The following SMAD9 variants were observed in gnomAD, a reference collection of about 807,000 sequenced individuals.
SMAD9 encodes SMAD family member 9.
Under a neutral mutation model 46.1 loss-of-function variants are expected in SMAD9, and 36 were observed. The ratio of observed to expected loss-of-function variants is 0.78; its 90% confidence interval spans 0.60 to 1.03. The LOEUF is 1.03. SMAD9 is among the 50% of genes least tolerant of loss of function. The pLI, the probability that SMAD9 is intolerant of heterozygous loss-of-function variation, is 0.00. For synonymous variants in SMAD9, 245 were observed against 237.1 expected (o/e 1.03, Z -0.31); for missense variants, 572 against 599.8 (o/e 0.95, Z 0.48).
intron 5 of SMAD9, among the ~76,000 whole-genome samples, chr13:36,859,972 GAAAA>G: frequency 6.6e-6 from 1 of 150,420 alleles, no homozygotes; most frequent in Middle Eastern, 3.4e-3. Flanking sequence ...AAAAAAAAAA[GAAAA>G]AAGAAAAAAA....
chr13:36,890,138 TTTTC>T (rs1404712902), intron 1 of SMAD9, among the ~76,000 whole-genome samples: 2 of 152,206 alleles, frequency 1.3e-5, no homozygotes, highest in East Asian at 3.8e-4. Context: ...ATCTAATTTT[TTTTC>T]TTTCTTTTTT....
intron 6 of SMAD9, among the ~76,000 whole-genome samples, chr13:36,853,090 C>G (rs2058088074): frequency 6.6e-6 from 1 of 152,054 alleles, no homozygotes. Context: ...TTCAAGACCA[C>G]TCTGGCCAAT....
Position 36,853,566 on chromosome 13 carries a change from A to G in SMAD9, c.1113T>C (p.Ala371=). The change falls in exon 6 of 7, where the codon GCT becomes GCC. Residue 371 remains alanine (A), a synonymous_variant. Coordinates refer to ENST00000379826, the MANE Select transcript of SMAD9 (RefSeq NM_001127217.3). ...NCNYQHGFHP[A]TVCKIPSGCS... The stretch of plus-strand genomic sequence containing the variant: ...AGCCGCTGGGGATCTTGCAGACGGT[A>G]GCTGGGTGGAAGCCGTGTTGATAGT... 1 of 1,614,168 alleles carries G rather than the reference A, an allele frequency of 6.2e-7. No individual in the cohort carries two copies. The highest frequency in any genetic ancestry group is 8.5e-7 in the Non-Finnish European group (1 of 1,180,036).
intron 2 of SMAD9, among the ~76,000 whole-genome samples, chr13:36,874,084 CA>C (rs2138446918): frequency 6.6e-6 from 1 of 152,262 alleles, no homozygotes; most frequent in East Asian, 1.9e-4. Context: ...GTAGCTACTC[CA>C]AAACTGTTGT....
intron 1 of SMAD9, among the ~76,000 whole-genome samples, chr13:36,903,784 A>G (rs2058597342): frequency 6.6e-6 from 1 of 152,190 alleles, no homozygotes. Flanking sequence ...AATAAACACA[A>G]TTATCACACA....
intron 2 of SMAD9, among the ~76,000 whole-genome samples, chr13:36,874,188 C>T (rs973094603): frequency 6.6e-6 from 1 of 152,172 alleles, no homozygotes; most frequent in Non-Finnish European, 1.5e-5. Context: ...AGGAAAACCT[C>T]AAAGAGCTAC....
chr13:36,864,564 C>T (rs1393464157), intron 5 of SMAD9, among the ~76,000 whole-genome samples: 1 of 152,180 alleles, frequency 6.6e-6, no homozygotes, highest in Non-Finnish European at 1.5e-5. Flanking sequence ...GCAATGGTTT[C>T]TCGTAAGTGG....
Position 36,853,544 on chromosome 13 carries a change from C to A in SMAD9, c.1135G>T (p.Gly379Cys). Residue 379 changes from glycine (G) to cysteine (C), a missense_variant, in exon 6 of 7, where the codon GGC becomes TGC. By Grantham distance (159) the Gly-to-Cys change is radical. Coordinates refer to ENST00000379826, the MANE Select transcript of SMAD9 (RefSeq NM_001127217.3). ...HPATVCKIPS[G>C]CSLKVFNNQL... ...TTGTTGAAGACCTTGAGGCTGCAGC[C>A]GCTGGGGATCTTGCAGACGGTAGCT... 1 of 1,614,120 alleles carries A rather than the reference C, an allele frequency of 6.2e-7. No individual in the cohort carries two copies. The highest frequency in any genetic ancestry group is 8.5e-7 in the Non-Finnish European group (1 of 1,180,030).
intron 1 of SMAD9, among the ~76,000 whole-genome samples, chr13:36,892,969 TACTA>T (rs1001945648): frequency 6.6e-6 from 1 of 151,514 alleles, no homozygotes; most frequent in Non-Finnish European, 1.5e-5. Context: ...TCATATAATT[TACTA>T]ACTTAATAGA....
rs1566018120 is a variant in SMAD9 at position 36,864,445 on chromosome 13, C to T, written c.1003+1092G>A. On this transcript the variant is annotated intron_variant, in intron 5 of 6. Coordinates refer to ENST00000379826, the MANE Select transcript of SMAD9 (RefSeq NM_001127217.3). ...CATCCAAGTACTAACCAGGCCCGAC[C>T]CTGCTTAGTTTGGTTAACAATGCTA... is the stretch of plus-strand genomic sequence containing the variant. 3.3e-5 allele frequency among the ~76,000 whole-genome samples: 5 copies of T among 152,290 alleles called. No homozygotes were observed. In the South Asian group the frequency reaches 8.3e-4, roughly 25 times the overall value.
At chr13:36,895,816 G>C (rs973703036) in intron 1 of SMAD9, among the ~76,000 whole-genome samples, 1 of 152,132 alleles carries the variant, frequency 6.6e-6, no homozygotes. Context: ...GAAGACATTA[G>C]AAGGATTTGC....
At position 36,907,021 on chromosome 13, in the gene SMAD9, T is replaced by TTA. The variant is rs369894832; in HGVS notation, c.-187+13093_-187+13094dup. On this transcript the variant is annotated intron_variant, in intron 1 of 6. Coordinates refer to ENST00000379826, the MANE Select transcript of SMAD9 (RefSeq NM_001127217.3). ...AACAAATGAATGAATGAACAAATTG[T>TTA]TATATATATACAATAAAATACTACA... 4.9e-3 allele frequency among the ~76,000 whole-genome samples: 739 copies of TTA among 152,218 alleles called. 4 individuals carry two copies. The highest frequency in any genetic ancestry group is 0.016 in the African/African-American group (678 of 41,506).
intron 2 of SMAD9, 87 bp downstream of exon 2, chr13:36,879,191 T>C (rs2058376327): frequency 8.5e-7 from 1 of 1,175,800 alleles, no homozygotes; most frequent in South Asian, 1.3e-5. Context: ...GAGAGGTCCC[T>C]GTCTGCTGGT....
intron 1 of SMAD9, among the ~76,000 whole-genome samples, chr13:36,884,895 CA>C (rs1171972435): frequency 2.0e-5 from 3 of 152,228 alleles, no homozygotes; most frequent in African/African-American, 7.2e-5. Context: ...CATCACCTAC[CA>C]GGGTGCACAA....
intron 3 of SMAD9, 54 bp downstream of exon 3, chr13:36,872,604 A>G (rs2058305408): frequency 6.3e-7 from 1 of 1,587,910 alleles, no homozygotes; most frequent in Admixed American, 1.7e-5. Flanking sequence ...ATCATAAATC[A>G]TGATGTTGGG....
At chr13:36,915,489 C>A (rs1016644586) in intron 1 of SMAD9, among the ~76,000 whole-genome samples, 1 of 152,052 alleles carries the variant, frequency 6.6e-6, no homozygotes, top group Non-Finnish European at 1.5e-5. Context: ...GGGAAATTCA[C>A]ATAAAAATAA....
intron 1 of SMAD9, among the ~76,000 whole-genome samples, chr13:36,916,994 A>G (rs892958858): frequency 1.3e-5 from 2 of 152,074 alleles, no homozygotes; most frequent in Non-Finnish European, 2.9e-5. Flanking sequence ...GACCGGGAAG[A>G]TAAGCCTGGA....
intron 1 of SMAD9, among the ~76,000 whole-genome samples, chr13:36,893,712 A>G (rs2058507137): frequency 6.6e-6 from 1 of 151,864 alleles, no homozygotes; most frequent in Non-Finnish European, 1.5e-5. Context: ...GTTTAAAAAG[A>G]AATAAAAACT....
chr13:36,904,704 A>G (rs904481253), intron 1 of SMAD9, among the ~76,000 whole-genome samples: 5 of 152,210 alleles, frequency 3.3e-5, no homozygotes, highest in Non-Finnish European at 7.3e-5. Context: ...TACCTTGTAC[A>G]TATTTCTATT....
Sources: allele counts gnomAD v4.1 joint callset (sites outside exome capture counted in the v4.1 genomes callset), GRCh38; gene constraint gnomAD v4.1.1; transcripts MANE v1.5; gene names NCBI Gene and HGNC (gene_info 2026-07-23, HGNC 2026-07-21).